The following CDH22 variants were observed in gnomAD, a reference collection of about 807,000 sequenced individuals.
CDH22 encodes cadherin-22.
In CDH22, 30 loss-of-function variants were observed where a neutral mutation model predicts 58.4. The observed-to-expected ratio is 0.51, with a 90% CI of 0.38 to 0.70. The LOEUF (loss-of-function observed/expected upper bound fraction) is 0.70. CDH22 is among the 30% of genes least tolerant of loss of function. CDH22 has a pLI of 0.00. For missense variants in CDH22, 1,014 were observed against 1,233.9 expected (o/e 0.82, Z 2.67); for synonymous variants, 513 against 558.2 (o/e 0.92, Z 1.14).
At chr20:46,257,841 G>T (rs2086414040) in intron 1 of CDH22, among the ~76,000 whole-genome samples, 1 of 152,162 alleles carries the variant, frequency 6.6e-6, no homozygotes, top group East Asian at 1.9e-4. Context: ...AATGCTGGGG[G>T]ACCACAGCTA....
At chr20:46,257,735 G>A (rs1307139321) in intron 1 of CDH22, among the ~76,000 whole-genome samples, 1 of 152,202 alleles carries the variant, frequency 6.6e-6, no homozygotes, top group Non-Finnish European at 1.5e-5. Flanking sequence ...AGGTCCTGCT[G>A]CAGGTAGCAA....
intron 1 of CDH22, among the ~76,000 whole-genome samples, chr20:46,263,699 G>A (rs2086445203): frequency 6.6e-6 from 1 of 152,144 alleles, no homozygotes. Context: ...ATATTTAGGG[G>A]ACCGAAAGGC....
chr20:46,204,582 C>G (rs971617752), intron 7 of CDH22, among the ~76,000 whole-genome samples: 3 of 152,086 alleles, frequency 2.0e-5, no homozygotes, highest in African/African-American at 7.2e-5. Flanking sequence ...TCCTCAGATA[C>G]TGTCATCACT....
chr20:46,254,370 C>T lies in CDH22; in HGVS notation c.-399-2677G>A, dbSNP rs1473375214. On this transcript the variant is annotated intron_variant, in intron 1 of 11. Coordinates refer to ENST00000537909, the MANE Select transcript of CDH22 (RefSeq NM_021248.3). The stretch of plus-strand genomic sequence containing the variant: ...AGGAGTTCGAGACCAGCCAGGTAAA[C>T]ATAGTGAAACCCCATCTCTACTAAA... Among the ~76,000 whole-genome samples the T allele has an allele frequency of 3.3e-5, 5 of 151,856 alleles. No homozygotes were observed. The East Asian group carries it at 7.8e-4, about 24-fold the overall frequency.
At chr20:46,281,813 T>G (rs534510347) in intron 1 of CDH22, among the ~76,000 whole-genome samples, 30 of 152,372 alleles carry the variant, frequency 2.0e-4, no homozygotes, top group African/African-American at 6.7e-4. Flanking sequence ...ATGGACAGGA[T>G]ATGAGAAAGG....
intron 3 of CDH22, among the ~76,000 whole-genome samples, chr20:46,233,531 TTC>T (rs2086233311): frequency 1.3e-5 from 2 of 152,222 alleles, no homozygotes; most frequent in African/African-American, 4.8e-5. Context: ...ATTCCATTCA[TTC>T]TCTCAACATC....
intron 1 of CDH22, among the ~76,000 whole-genome samples, chr20:46,294,151 G>A (rs946056649): frequency 6.6e-6 from 1 of 152,228 alleles, no homozygotes; most frequent in Non-Finnish European, 1.5e-5. Context: ...TTTATGCATT[G>A]ATCCTCAGTG....
At chr20:46,204,311 A>G (rs1473398446) in intron 7 of CDH22, among the ~76,000 whole-genome samples, 1 of 149,622 alleles carries the variant, frequency 6.7e-6, no homozygotes, top group Non-Finnish European at 1.5e-5. Flanking sequence ...GGAGAATTGC[A>G]TGAACCCGGG....
rs1458448526 is a variant in CDH22 at position 46,174,822 on chromosome 20, G to A, written c.2171C>T (p.Ala724Val). 6.9e-7 allele frequency: 1 copy of A among 1,451,176 alleles called. No homozygotes were observed. 89.9% of individuals were successfully genotyped at this position (1,451,176 alleles called of 1,614,324 possible). The change falls in exon 12 of 12, where the codon GCC becomes GTC. Residue 724 changes from alanine to valine, a missense_variant. By Grantham distance (64) the Ala-to-Val change is moderately conservative (BLOSUM62 0). Transcript: ENST00000537909. This position sits in a 1 kb window ranked among gnomAD's most constrained non-coding sequence, Gnocchi z 4.4. ...CGAGTGGCGCTCGGAGGGCAGGTGG[G>A]CCTGCGGGGGGCTGCCCGCGCCCCC... ...SGGGAGSPPQAHLPSERHSLP... is the reference protein window; with the variant it reads ...SGGGAGSPPQVHLPSERHSLP...
intron 11 of CDH22, among the ~76,000 whole-genome samples, chr20:46,177,325 A>G (rs574909808): frequency 2.0e-5 from 3 of 152,264 alleles, no homozygotes; most frequent in Admixed American, 6.5e-5. Context: ...TAGCTTCTGA[A>G]ACTTGACCTC....
chr20:46,228,518 G>A (rs1209980292), intron 3 of CDH22, among the ~76,000 whole-genome samples: 3 of 144,140 alleles, frequency 2.1e-5, no homozygotes, highest in Non-Finnish European at 3.0e-5. Flanking sequence ...TCAATTTGAC[G>A]AAAGCAGGGC....
In CDH22 at chr20:46,177,982, G is replaced by A. The variant is rs2085752844; in HGVS notation, c.1879C>T (p.Leu627Phe). ...VMAASLSPGA[L>F]IALLVCVLIL... Reference sequence around the variant, plus strand: ...AGAACGCAGACCAAGAGGGCGATGAGGGCGCCGGGGCTGAGGGAGGCGGCC... The same window carrying A: ...AGAACGCAGACCAAGAGGGCGATGAAGGCGCCGGGGCTGAGGGAGGCGGCC... Residue 627 changes from leucine to phenylalanine, a missense_variant, in exon 11 of 12, where the codon CTC becomes TTC. Physicochemically the swap from Leu to Phe is conservative, Grantham distance 22. Around this residue, in one of 2 missense-constraint regions of CDH22, gnomAD observed 806 missense variants for 1,038.7 expected, o/e 0.78. Transcript: ENST00000537909. 1 of 1,613,948 alleles carries A rather than the reference G, an allele frequency of 6.2e-7. No homozygotes were observed. The highest frequency in any genetic ancestry group is 1.7e-5 in the Admixed American group (1 of 60,014).
At chr20:46,213,736 G>A (rs1568660821) in intron 5 of CDH22, among the ~76,000 whole-genome samples, 1 of 152,176 alleles carries the variant, frequency 6.6e-6, no homozygotes, top group Non-Finnish European at 1.5e-5. Context: ...TGCTGTTGAT[G>A]TTAACGGTAG....
chr20:46,297,647 C>T (rs1004528348), intron 1 of CDH22, among the ~76,000 whole-genome samples: 3 of 122,598 alleles, frequency 2.4e-5, no homozygotes, highest in African/African-American at 6.4e-5. Flanking sequence ...AAAGAGAGTG[C>T]GGGCTCAGTG....
chr20:46,253,036 G>C (rs183786652), intron 1 of CDH22, among the ~76,000 whole-genome samples: 1 of 152,212 alleles, frequency 6.6e-6, no homozygotes, highest in Non-Finnish European at 1.5e-5. Flanking sequence ...TTGTGAGCAG[G>C]GGTGTGTGTT....
intron 8 of CDH22, among the ~76,000 whole-genome samples, chr20:46,197,963 T>C (rs2085919751): frequency 6.6e-6 from 1 of 152,068 alleles, no homozygotes; most frequent in Non-Finnish European, 1.5e-5. Flanking sequence ...GGGATCCTGA[T>C]GGGCAGAGGC....
chr20:46,289,414 T>A lies in CDH22; in HGVS notation c.-400+18841A>T, dbSNP rs570205043. On this transcript the variant is annotated intron_variant, in intron 1 of 11. Transcript: ENST00000537909. ...GAGTGCCATGATTTTAGGGGTGTTG[T>A]CTTTTTTGCTTGATGCTGTATTCCC... Among the ~76,000 whole-genome samples, 66 of 152,360 alleles carry A rather than the reference T, an allele frequency of 4.3e-4. No individual in the cohort carries two copies. In the South Asian group the frequency reaches 0.013, roughly 30 times the overall value.
At chr20:46,238,691 A>G (rs2086270671) in intron 3 of CDH22, among the ~76,000 whole-genome samples, 1 of 152,170 alleles carries the variant, frequency 6.6e-6, no homozygotes, top group South Asian at 2.1e-4. Flanking sequence ...TATCCAATCC[A>G]TTAGCAAATG....
At chr20:46,226,174 G>T (rs1355323278) in intron 4 of CDH22, among the ~76,000 whole-genome samples, 1 of 151,722 alleles carries the variant, frequency 6.6e-6, no homozygotes, top group Admixed American at 6.6e-5. Context: ...CCCAACTTTT[G>T]CCTGAGCCAT....
Sources: allele counts gnomAD v4.1 joint callset (sites outside exome capture counted in the v4.1 genomes callset), GRCh38; gene constraint gnomAD v4.1.1; regional missense constraint gnomAD v4.1.1; non-coding constraint Gnocchi (gnomAD v3.1); transcripts MANE v1.5; gene names NCBI Gene and HGNC (gene_info 2026-07-23, HGNC 2026-07-21).